Variants in CPQ observed in about 807,000 individuals in gnomAD.
CPQ encodes the protein carboxypeptidase Q.
CPQ carries 37 observed loss-of-function variants against 45.7 expected under a neutral mutation model. The ratio of observed to expected loss-of-function variants is 0.81; its 90% CI spans 0.62 to 1.07. The LOEUF (loss-of-function observed/expected upper bound fraction) is 1.07. CPQ is among the 50% of genes least tolerant of loss of function. The pLI, the probability that CPQ is intolerant of heterozygous loss-of-function variation, is 0.00. For missense variants in CPQ, 537 were observed against 572.9 expected, an observed-to-expected ratio of 0.94 and a Z score of 0.64; for synonymous variants, 186 against 205.8, an observed-to-expected ratio of 0.90 and a Z score of 0.82.
intron 2 of CPQ, among the ~76,000 whole-genome samples, chr8:96,828,494 A>G (rs755520666): frequency 6.6e-6 from 1 of 151,974 alleles, no homozygotes; most frequent in Non-Finnish European, 1.5e-5. Context: ...CAGGGAAGCT[A>G]GCCATGACCC....
At chr8:96,907,702 C>T (rs4551321) in intron 4 of CPQ, among the ~76,000 whole-genome samples, 93,126 of 151,352 alleles carry the variant, frequency 0.62, 29,311 homozygotes, top group African/African-American at 0.75. Context: ...TTATATCTAG[C>T]ATCCCAGGTA....
intron 7 of CPQ, 149 bp downstream of exon 7, chr8:97,066,359 T>C (rs2513345): frequency 0.72 from 465,602 of 650,214 alleles, 168,079 homozygotes; most frequent in African/African-American, 0.78. Context: ...TGATGATTTC[T>C]AAAACTGGGA....
chr8:96,785,340 G>T lies in CPQ; in HGVS notation c.433+10G>T, dbSNP rs559807191. 1 of 1,567,372 alleles carries T rather than the reference G, an allele frequency of 6.4e-7. No individual in the cohort carries two copies. Among genetic ancestry groups the T allele is most frequent in the South Asian group, 1.2e-5 (1 of 85,344 alleles). Reference sequence around the variant, plus strand: ...GGGACTCCTCCAGAAGGTATTGTTTGTCTTTTCAGTTTGATTTGTATTTTA... The same window carrying T: ...GGGACTCCTCCAGAAGGTATTGTTTTTCTTTTCAGTTTGATTTGTATTTTA... On this transcript the variant is annotated intron_variant, in intron 2 of 7. Coordinates refer to ENST00000220763, the MANE Select transcript of CPQ (RefSeq NM_016134.4).
chr8:96,676,799 A>G (rs775164231), intron 1 of CPQ, among the ~76,000 whole-genome samples: 10 of 152,006 alleles, frequency 6.6e-5, no homozygotes, highest in Non-Finnish European at 2.9e-5. Context: ...ACTGTACCCA[A>G]TATGAAGTCT....
chr8:96,981,598 G>T (rs1259611430), intron 5 of CPQ, among the ~76,000 whole-genome samples: 1 of 152,008 alleles, frequency 6.6e-6, no homozygotes, highest in Non-Finnish European at 1.5e-5. Flanking sequence ...TGTCATTTTT[G>T]GTCATAAATG....
intron 4 of CPQ, among the ~76,000 whole-genome samples, chr8:96,884,899 A>C (rs1352967724): frequency 6.6e-6 from 1 of 152,198 alleles, no homozygotes; most frequent in Non-Finnish European, 1.5e-5. Context: ...AATAACTTAT[A>C]AAATTAGCTG....
At chr8:96,994,174 G>A (rs1809140299) in intron 5 of CPQ, among the ~76,000 whole-genome samples, 1 of 152,160 alleles carries the variant, frequency 6.6e-6, no homozygotes, top group Admixed American at 6.6e-5. Flanking sequence ...TGAACAAAAA[G>A]TCACCTTTTA....
At chr8:96,920,741 G>A (rs1050770201) in intron 4 of CPQ, among the ~76,000 whole-genome samples, 2 of 152,080 alleles carry the variant, frequency 1.3e-5, no homozygotes, top group African/African-American at 2.4e-5. Flanking sequence ...GACACACAAA[G>A]GGACACTAGG....
intron 7 of CPQ, among the ~76,000 whole-genome samples, chr8:97,114,135 G>C (rs757442357): frequency 6.6e-6 from 1 of 152,190 alleles, no homozygotes. Flanking sequence ...ATTGTCCTTT[G>C]AAGAGGCCCC....
chr8:96,872,888 T>A (rs1031152768), intron 3 of CPQ, among the ~76,000 whole-genome samples: 2 of 151,948 alleles, frequency 1.3e-5, no homozygotes, highest in African/African-American at 4.8e-5. Context: ...TTTTCTTTTA[T>A]CTTTATTTCA....
intron 3 of CPQ, among the ~76,000 whole-genome samples, chr8:96,865,933 G>A (rs1811991031): frequency 6.6e-6 from 1 of 151,960 alleles, no homozygotes; most frequent in South Asian, 2.1e-4. Context: ...CCTGTCTTAG[G>A]GAGTAAGGTG....
At chr8:96,777,148 T>C (rs1406847691) in intron 1 of CPQ, among the ~76,000 whole-genome samples, 1 of 152,176 alleles carries the variant, frequency 6.6e-6, no homozygotes, top group Non-Finnish European at 1.5e-5. Flanking sequence ...ATTGCATCTT[T>C]TATAGGCACA....
At chr8:96,975,311 G>GAACAGACCAGT (rs58755784) in intron 5 of CPQ, among the ~76,000 whole-genome samples, 75,473 of 151,440 alleles carry the variant, frequency 0.5, 20,935 homozygotes, top group African/African-American at 0.76. Context: ...CAGAATCTCT[G>GAACAGACCAGT]AACAGGCAGT....
rs2130394017 is a variant in CPQ at position 96,984,881 on chromosome 8, GA to G, written c.961+18836del. Among the ~76,000 whole-genome samples the G allele has an allele frequency of 2.6e-5, 4 of 152,264 alleles. No homozygotes were observed. The East Asian group carries it at 7.7e-4, about 29-fold the overall frequency. ...GTTATGATTTAGTTAGTACTTATTA[GA>G]TTGTCAACATGTTCACTGATATGTT... On this transcript the variant is annotated intron_variant, in intron 5 of 7. Coordinates refer to ENST00000220763, the MANE Select transcript of CPQ (RefSeq NM_016134.4).
intron 2 of CPQ, among the ~76,000 whole-genome samples, chr8:96,821,321 G>A (rs758416873): frequency 1.3e-5 from 2 of 151,022 alleles, no homozygotes; most frequent in Non-Finnish European, 3.0e-5. Flanking sequence ...TTTTTGCTTG[G>A]GTTGCCTGTG....
At chr8:97,083,466 C>G (rs148753629) in intron 7 of CPQ, among the ~76,000 whole-genome samples, 4 of 152,178 alleles carry the variant, frequency 2.6e-5, no homozygotes, top group Non-Finnish European at 4.4e-5. Context: ...CACCCTGCTA[C>G]TATACTGGTT....
intron 3 of CPQ, among the ~76,000 whole-genome samples, chr8:96,836,756 T>G (rs1292844134): frequency 6.6e-6 from 1 of 151,980 alleles, no homozygotes; most frequent in Admixed American, 6.6e-5. Context: ...AATTCCCAAA[T>G]GATTTAATGC....
chr8:96,760,741 C>T (rs531516510), intron 1 of CPQ, among the ~76,000 whole-genome samples: 3 of 152,232 alleles, frequency 2.0e-5, no homozygotes, highest in African/African-American at 7.2e-5. Flanking sequence ...AACTGCAATA[C>T]GTAGGAACTG....
At chr8:96,875,203 T>C (rs1812129979) in intron 3 of CPQ, among the ~76,000 whole-genome samples, 1 of 151,984 alleles carries the variant, frequency 6.6e-6, no homozygotes, top group African/African-American at 2.4e-5. Flanking sequence ...TTGTTAAATA[T>C]CTTTATATAT....
Sources: allele counts gnomAD v4.1 joint callset (sites outside exome capture counted in the v4.1 genomes callset), GRCh38; gene constraint gnomAD v4.1.1; transcripts MANE v1.5; gene names NCBI Gene and HGNC (gene_info 2026-07-23, HGNC 2026-07-21).